VWF: variants seen among roughly 807,000 people sequenced by gnomAD.
VWF encodes Factor VIII related antigen.
A neutral mutation model predicts 308.6 loss-of-function variants in VWF; 176 were observed. The observed-to-expected ratio is 0.57, with a 90% CI of 0.50 to 0.65. The LOEUF (loss-of-function observed/expected upper bound fraction) is 0.65. VWF is among the 30% of genes least tolerant of loss of function. VWF has a pLI of 0.00. For synonymous variants in VWF, 1,385 were observed against 1,443.4 expected (o/e 0.96, Z 0.92); for missense variants, 3,146 against 3,648.2 (o/e 0.86, Z 3.55).
At chr12:6,108,370 GC>G (rs1591923071) in intron 5 of VWF, among the ~76,000 whole-genome samples, 1 of 65,798 alleles carries the variant, frequency 1.5e-5, no homozygotes, top group Non-Finnish European at 4.0e-5. Context: ...CACACACAAA[GC>G]AAAATTTGAC....
intron 3 of VWF, among the ~76,000 whole-genome samples, chr12:6,115,245 C>A (rs1419315895): frequency 2.6e-5 from 4 of 152,132 alleles, no homozygotes. Context: ...CGCTATGTTG[C>A]CCAGGCTGGC....
chr12:5,984,959 A>G, intron 40 of VWF, 86 bp downstream of exon 40: 1 of 1,064,382 alleles, frequency 9.4e-7, no homozygotes. Flanking sequence ...GTGCCTGAGA[A>G]CAGAGACACC....
Position 5,964,752 on chromosome 12 carries a change from A to G in VWF, c.7887+2734T>C, listed in dbSNP as rs370681670. ...AAAAGCCAGTGAGGACAGGGCAGTC[A>G]GGGAGGCAAAATCCCCACAGCAGGA... On this transcript the variant is annotated intron_variant, in intron 47 of 51. Transcript: ENST00000261405. Among the ~76,000 whole-genome samples, 5 of 152,362 alleles carry G rather than the reference A, an allele frequency of 3.3e-5. No homozygotes were observed. In the East Asian group the frequency reaches 9.6e-4, roughly 29 times the overall value.
intron 47 of VWF, among the ~76,000 whole-genome samples, chr12:5,958,556 G>T (rs1359828064): frequency 6.6e-6 from 1 of 152,098 alleles, no homozygotes; most frequent in East Asian, 1.9e-4. Context: ...AGGCATGGTG[G>T]TGCACAACTG....
intron 47 of VWF, among the ~76,000 whole-genome samples, chr12:5,954,204 C>A (rs969330554): frequency 6.6e-6 from 1 of 152,176 alleles, no homozygotes; most frequent in Non-Finnish European, 1.5e-5. Flanking sequence ...TGCTCCCCTG[C>A]TACAGGTTAC....
intron 16 of VWF, among the ~76,000 whole-genome samples, chr12:6,048,574 G>A (rs780055089): frequency 4.7e-5 from 7 of 150,032 alleles, no homozygotes; most frequent in African/African-American, 9.8e-5. Flanking sequence ...GCAATTCTCC[G>A]GCCTCAGCCT....
chr12:6,019,925 A>T lies in VWF; in HGVS notation c.3675-182T>A, dbSNP rs1944112125. 6.6e-6 allele frequency among the ~76,000 whole-genome samples: 1 copy of T among 152,172 alleles called. No homozygotes were observed. The highest frequency in any genetic ancestry group is 2.4e-5 in the African/African-American group (1 of 41,448). Reference sequence around the variant, plus strand: ...CATTGTTTAACATCTGTCCCCAAATAGCATGCCCCCCACCTTCAAAACACA... The same window carrying T: ...CATTGTTTAACATCTGTCCCCAAATTGCATGCCCCCCACCTTCAAAACACA... On this transcript the variant is annotated intron_variant, in intron 27 of 51. Transcript: ENST00000261405. The surrounding 1 kb of genome is among the most constrained non-coding windows in gnomAD (Gnocchi z 5.8).
chr12:5,996,185 G>T lies in VWF; in HGVS notation c.5880C>A (p.Thr1960=), dbSNP rs1197551133. The change falls in exon 35 of 52, where the codon ACC becomes ACA. Residue 1960 remains threonine (T), a synonymous_variant. Coordinates refer to ENST00000261405, the MANE Select transcript of VWF (RefSeq NM_000552.5). ...CTGSSTRHIV[T]FDGQNFKLTG... is the part of the protein sequence containing the mutation. ...TCAGCTTGAAATTCTGCCCATCAAA[G>T]GTCACGATGTGCCGAGTGGAGCTGC... is the stretch of plus-strand genomic sequence containing the variant. The T allele has an allele frequency of 1.9e-6, 3 of 1,613,910 alleles. No individual in the cohort carries two copies. The East Asian group carries it at 6.7e-5, about 36-fold the overall frequency.
chr12:6,069,141 C>A (rs2136467242), intron 10 of VWF, among the ~76,000 whole-genome samples: 1 of 152,230 alleles, frequency 6.6e-6, no homozygotes, highest in South Asian at 2.1e-4. Flanking sequence ...CAGGCGTGAG[C>A]CACCATGCCT....
Position 5,964,250 on chromosome 12 carries a change from G to GCATA in VWF, c.7887+3232_7887+3235dup, listed in dbSNP as rs202210763. Among the ~76,000 whole-genome samples the GCATA allele has an allele frequency of 4.4e-3, 539 of 122,236 alleles. 4 individuals carry two copies. Among genetic ancestry groups the GCATA allele is most frequent in the African/African-American group, 8.0e-3 (218 of 27,384 alleles). 80.2% of individuals were successfully genotyped at this position (122,236 alleles called of 152,430 possible). On this transcript the variant is annotated intron_variant, in intron 47 of 51. Transcript: ENST00000261405. ...TACATACATACATACATACATACAT[G>GCATA]CATACATACATACATACATACATGC...
intron 20 of VWF, among the ~76,000 whole-genome samples, chr12:6,032,495 G>A (rs11614723): frequency 0.24 from 35,437 of 149,608 alleles, 4,499 homozygotes; most frequent in African/African-American, 0.29. Flanking sequence ...AAAATTAGCC[G>A]GGCGTGGTGG....
At position 6,074,647 on chromosome 12, in the gene VWF, C is replaced by T. The variant is rs1251002017; in HGVS notation, c.874+688G>A. The stretch of plus-strand genomic sequence containing the variant: ...CACGTGTGCAGTGTAAAGATGTGGC[C>T]GGCTCAGCTCATCTGTGGAACCATC... On this transcript the variant is annotated intron_variant, in intron 7 of 51. Coordinates refer to ENST00000261405, the MANE Select transcript of VWF (RefSeq NM_000552.5). 5.3e-5 allele frequency among the ~76,000 whole-genome samples: 8 copies of T among 152,198 alleles called. 1 individual carries two copies. In the East Asian group the frequency reaches 5.8e-4, roughly 11 times the overall value.
chr12:6,073,622 G>C lies in VWF; in HGVS notation c.994C>G (p.Pro332Ala), dbSNP rs780678562. The C allele has an allele frequency of 3.1e-6, 5 of 1,613,908 alleles. No individual in the cohort carries two copies. Residue 332 changes from proline to alanine, a missense_variant, in exon 8 of 52, where the codon CCT becomes GCT. Pro to Ala is a conservative substitution (Grantham distance 27, BLOSUM62 -1). This residue lies in a region of VWF where 1,304 missense variants were observed against 1,353.0 expected (regional missense o/e 0.96). Coordinates refer to ENST00000261405, the MANE Select transcript of VWF (RefSeq NM_000552.5). ...AATAAAGTGGGAAGTTCATTACCAG[G>C]GCAGCTGCAGCCATCCACGCATCGC... ...QERCVDGCSC[P>A]EGQLLDEGLC...
rs1015095164 is a variant in VWF, at chr12:6,060,731, C to T, written c.1533+2223G>A. ...ACCCACCCCAAAGATAACCCTACAT[C>T]CCCTCCCACAGAAAGAAGTTGGCTT... On this transcript the variant is annotated intron_variant, in intron 13 of 51. Coordinates refer to ENST00000261405, the MANE Select transcript of VWF (RefSeq NM_000552.5). This position sits in a 1 kb window ranked among gnomAD's most constrained non-coding sequence, Gnocchi z 5.1. 1.3e-5 allele frequency among the ~76,000 whole-genome samples: 2 copies of T among 152,218 alleles called. No individual in the cohort carries two copies. Among genetic ancestry groups the T allele is most frequent in the African/African-American group, 2.4e-5 (1 of 41,462 alleles).
chr12:6,012,787 T>C (rs113338543), intron 32 of VWF, among the ~76,000 whole-genome samples: 8,417 of 151,228 alleles, frequency 0.056, 729 homozygotes, highest in African/African-American at 0.19. Context: ...CTGCAAGCTC[T>C]GCCTCCCGGG....
rs1035589611 is a variant in VWF at position 6,046,658 on chromosome 12, C to T, written c.2281+65G>A. ...ACGGTGTCACCCAGCTCTCTCCCGC[C>T]ATTCCACACGTGAGGAATCTGGGCA... is the stretch of plus-strand genomic sequence containing the variant. On this transcript the variant is annotated intron_variant, in intron 17 of 51. Coordinates refer to ENST00000261405, the MANE Select transcript of VWF (RefSeq NM_000552.5). This position sits in a 1 kb window ranked among gnomAD's most constrained non-coding sequence, Gnocchi z 5.0. 2 of 1,479,794 alleles carry T rather than the reference C, an allele frequency of 1.4e-6. No individual in the cohort carries two copies. Among genetic ancestry groups the T allele is most frequent in the African/African-American group, 2.8e-5 (2 of 72,188 alleles). 91.7% of individuals were successfully genotyped at this position (1,479,794 alleles called of 1,614,324 possible). A position where few individuals can be genotyped will look rare whatever the true frequency, so the allele number is the denominator to read the frequency against.
chr12:5,965,866 G>A (rs1220941404), intron 47 of VWF, among the ~76,000 whole-genome samples: 1 of 152,176 alleles, frequency 6.6e-6, no homozygotes, highest in Admixed American at 6.5e-5. Flanking sequence ...GCGAATCTAA[G>A]GGATCTCAAG....
chr12:6,118,009 G>A (rs1945388102), intron 3 of VWF, among the ~76,000 whole-genome samples: 4 of 152,206 alleles, frequency 2.6e-5, no homozygotes, highest in Admixed American at 2.6e-4. Context: ...ACGAGTTGAT[G>A]AGCCCAGTGC....
At chr12:6,108,052 G>A (rs1338076759) in intron 5 of VWF, among the ~76,000 whole-genome samples, 3 of 152,030 alleles carry the variant, frequency 2.0e-5, no homozygotes, top group Non-Finnish European at 4.4e-5. Context: ...CCAGCACTTT[G>A]GGAGGCAGAG....
Sources: gnomAD v4.1 joint callset for allele counts (sites outside exome capture counted in the v4.1 genomes callset) on GRCh38, gnomAD v4.1.1 for gene constraint, gnomAD v4.1.1 regional missense constraint, Gnocchi (gnomAD v3.1) non-coding constraint, MANE v1.5 for transcripts, NCBI Gene and HGNC (gene_info 2026-07-23, HGNC 2026-07-21) for gene names.